Variants in KMT2E observed in about 807,000 individuals in gnomAD.
The protein encoded by KMT2E is lysine methyltransferase 2E (inactive), also known as histone reader KMT2E.
A neutral mutation model predicts 184.6 loss-of-function variants in KMT2E; 30 were observed. The observed-to-expected ratio is 0.16, with a 90% CI of 0.12 to 0.22. The LOEUF is 0.22. Among genes scored for constraint, KMT2E ranks in the 10% least tolerant of loss-of-function variants. The pLI, the probability that KMT2E is intolerant of heterozygous loss-of-function variation, is 1.00. For synonymous variants in KMT2E, 815 were observed against 776.5 expected (o/e 1.05, Z -0.82); for missense variants, 2,023 against 2,237.4 (o/e 0.90, Z 1.93).
chr7:105,100,833 T>C (rs918568932), intron 15 of KMT2E, among the ~76,000 whole-genome samples: 1 of 152,200 alleles, frequency 6.6e-6, no homozygotes, highest in African/African-American at 2.4e-5. Context: ...AATGAACTTC[T>C]TGCCAGACTT....
chr7:105,105,564 A>G lies in KMT2E; in HGVS notation c.2322A>G (p.Leu774=). The part of the protein sequence containing the change: ...PEVLATQLNS[L]PGLTYSPHVY... ...TGTTAGCTACACAACTCAATTCTTT[A>G]CCAGGTCTCACTTACAGCCCCCATG... Residue 774 remains leucine (L), a synonymous_variant, in exon 18 of 27, where the codon TTA becomes TTG. Coordinates refer to ENST00000311117, the MANE Select transcript of KMT2E (RefSeq NM_182931.3). The G allele has an allele frequency of 6.2e-7, 1 of 1,614,106 alleles. No individual in the cohort carries two copies. Among genetic ancestry groups the G allele is most frequent in the Non-Finnish European group, 8.5e-7 (1 of 1,179,966 alleles).
chr7:105,059,098 T>G (rs1467019227), intron 3 of KMT2E, among the ~76,000 whole-genome samples: 1 of 152,196 alleles, frequency 6.6e-6, no homozygotes, highest in African/African-American at 2.4e-5. Context: ...TAAACACTTC[T>G]GTAAATAATT....
intron 15 of KMT2E, among the ~76,000 whole-genome samples, chr7:105,099,655 A>T (rs1798573172): frequency 6.6e-6 from 1 of 152,336 alleles, no homozygotes; most frequent in Admixed American, 6.5e-5. Context: ...TAATCATACT[A>T]CAAAAAATAT....
At chr7:105,109,883 G>A (rs933018519) in intron 23 of KMT2E, among the ~76,000 whole-genome samples, 7 of 142,584 alleles carry the variant, frequency 4.9e-5, no homozygotes, top group East Asian at 2.0e-4. Flanking sequence ...TTGCTCTGTC[G>A]CCCAGTCTGG....
intron 19 of KMT2E, 94 bp from the exon 20 acceptor site, chr7:105,106,428 T>C (rs550626678): frequency 8.4e-7 from 1 of 1,186,554 alleles, no homozygotes; most frequent in Non-Finnish European, 1.2e-6. Flanking sequence ...ATAACTGCCA[T>C]TGTTTATATT....
At chr7:105,037,078 C>A (rs1464866190) in intron 1 of KMT2E, among the ~76,000 whole-genome samples, 4 of 152,124 alleles carry the variant, frequency 2.6e-5, no homozygotes, top group African/African-American at 9.7e-5. Context: ...CTCAAAATTT[C>A]TTTCAAGTTT....
In KMT2E at chr7:105,111,843, G is replaced by T; in HGVS notation, c.4087G>T (p.Val1363Leu). Residue 1363 changes from valine to leucine, a missense_variant, in exon 27 of 27, where the codon GTA (valine) becomes TTA (leucine). This residue lies in a region of KMT2E where 1,108 missense variants were observed against 1,050.9 expected (regional missense o/e 1.05). Transcript: ENST00000311117. ...KMSKPGSPGSVIPAQAHGKIF... is the reference protein window; with the variant it reads ...KMSKPGSPGSLIPAQAHGKIF... ...TTCATAGCCTGGTTCACCTGGATCT[G>T]TAATTCCTGCTCAAGCACACGGGAA... 2 of 1,612,888 alleles carry T rather than the reference G, an allele frequency of 1.2e-6. No individual in the cohort carries two copies. The highest frequency in any genetic ancestry group is 1.7e-6 in the Non-Finnish European group (2 of 1,179,470).
chr7:105,072,988 A>C (rs1002688704), intron 6 of KMT2E, among the ~76,000 whole-genome samples: 24 of 152,142 alleles, frequency 1.6e-4, no homozygotes, highest in African/African-American at 5.8e-4. Flanking sequence ...GATTCAATTC[A>C]GTGTCATACA....
chr7:105,072,355 A>G (rs1417473268), intron 6 of KMT2E, among the ~76,000 whole-genome samples: 1 of 152,020 alleles, frequency 6.6e-6, no homozygotes, highest in Non-Finnish European at 1.5e-5. Context: ...AAAAAAACTT[A>G]CCATTAGGAG....
Position 105,066,929 on chromosome 7 carries a change from T to A in KMT2E, c.497+122T>A, listed in dbSNP as rs1584751426. 4.3e-5 allele frequency: 29 copies of A among 681,586 alleles called. No homozygotes were observed. In the South Asian group the frequency reaches 4.4e-4, roughly 10 times the overall value. 42.2% of individuals were successfully genotyped at this position (681,586 alleles called of 1,614,324 possible). A position where few individuals can be genotyped will look rare whatever the true frequency, so the allele number is the denominator to read the frequency against. On this transcript the variant is annotated intron_variant, in intron 6 of 26. Coordinates refer to ENST00000311117, the MANE Select transcript of KMT2E (RefSeq NM_182931.3). ...AATCACAGCCGGGCATGGTGGCTCA[T>A]GCCTGTAGTGCCAACTACTTGGGAG...
chr7:105,070,130 G>T (rs1262220623), intron 6 of KMT2E, among the ~76,000 whole-genome samples: 4 of 151,736 alleles, frequency 2.6e-5, no homozygotes, highest in Non-Finnish European at 4.4e-5. Context: ...TACAAATAAA[G>T]TTTCTGTGAA....
intron 10 of KMT2E, 27 bp downstream of exon 10, chr7:105,077,220 G>T: frequency 6.2e-7 from 1 of 1,607,494 alleles, no homozygotes; most frequent in South Asian, 1.1e-5. Context: ...TCCAAAAATT[G>T]TAAAGCAGTT....
intron 3 of KMT2E, among the ~76,000 whole-genome samples, chr7:105,045,188 G>A (rs1796049006): frequency 1.3e-5 from 2 of 152,152 alleles, no homozygotes; most frequent in African/African-American, 2.4e-5. Flanking sequence ...ATCACATTAA[G>A]GCCCATGCCT....
chr7:105,044,611 T>C (rs1035474869), intron 3 of KMT2E, among the ~76,000 whole-genome samples: 3 of 152,030 alleles, frequency 2.0e-5, no homozygotes, highest in East Asian at 1.9e-4. Flanking sequence ...CTCTATAAAA[T>C]ACCTCCTAGG....
rs1158107067 is a variant in KMT2E, at chr7:105,036,553, A to G, written c.-188-1573A>G. 2.6e-5 allele frequency among the ~76,000 whole-genome samples: 4 copies of G among 152,176 alleles called. No homozygotes were observed. In the East Asian group the frequency reaches 7.7e-4, roughly 29 times the overall value. On this transcript the variant is annotated intron_variant, in intron 1 of 26. Transcript: ENST00000311117. ...GGTTCAGATCTTGATTTGGCTATTTATTAGTTATGAACTTTGGACAAGTTT... is the reference window on the plus strand; with the variant it reads ...GGTTCAGATCTTGATTTGGCTATTTGTTAGTTATGAACTTTGGACAAGTTT...
chr7:105,036,940 G>A (rs911082875), intron 1 of KMT2E, among the ~76,000 whole-genome samples: 3 of 152,094 alleles, frequency 2.0e-5, no homozygotes, highest in Non-Finnish European at 4.4e-5. Flanking sequence ...CCAAGCATTC[G>A]TAGGTAGTAA....
chr7:105,058,565 A>G (rs1796665043), intron 3 of KMT2E, among the ~76,000 whole-genome samples: 2 of 152,208 alleles, frequency 1.3e-5, no homozygotes, highest in South Asian at 4.1e-4. Flanking sequence ...TAACAAGAGA[A>G]TATACTTACA....
chr7:105,108,665 GAGTT>G (rs1337021736), intron 22 of KMT2E: 2 of 442,270 alleles, frequency 4.5e-6, no homozygotes, highest in African/African-American at 2.0e-5. Context: ...TTGAGTGAGT[GAGTT>G]ACTCAATTTC....
intron 1 of KMT2E, among the ~76,000 whole-genome samples, chr7:105,035,191 ATT>A (rs762747433): frequency 7.1e-6 from 1 of 141,638 alleles, no homozygotes; most frequent in Non-Finnish European, 1.6e-5. Context: ...AGCCTGGCTA[ATT>A]TTTTTTTTTT....
Sources: allele counts gnomAD v4.1 joint callset (sites outside exome capture counted in the v4.1 genomes callset), GRCh38; gene constraint gnomAD v4.1.1; regional missense constraint gnomAD v4.1.1; transcripts MANE v1.5; gene names NCBI Gene and HGNC (gene_info 2026-07-23, HGNC 2026-07-21).